ATXN1: variants seen among roughly 807,000 people sequenced by gnomAD.
ATXN1 encodes the protein ataxin-1.
In ATXN1, 8 loss-of-function variants were observed where a neutral mutation model predicts 56.4. That is an observed-to-expected ratio of 0.14 (90% CI 0.08 to 0.26). The LOEUF (loss-of-function observed/expected upper bound fraction) is 0.26. Among genes scored for constraint, ATXN1 ranks in the 10% least tolerant of loss-of-function variants. The pLI is 1.00. For missense variants in ATXN1, 987 were observed against 1,106.5 expected (o/e 0.89, Z 1.53); for synonymous variants, 514 against 494.6 (o/e 1.04, Z -0.52).
chr6:16,525,140 G>A (rs1761366083), intron 4 of ATXN1, among the ~76,000 whole-genome samples: 2 of 152,098 alleles, frequency 1.3e-5, no homozygotes, highest in African/African-American at 4.8e-5. Context: ...GAGACAAGTT[G>A]CCATATGATC....
At chr6:16,526,746 C>G (rs1454356407) in intron 4 of ATXN1, among the ~76,000 whole-genome samples, 1 of 118,268 alleles carries the variant, frequency 8.5e-6, no homozygotes, top group Non-Finnish European at 1.7e-5. Context: ...GCCTGGGCAA[C>G]AAGAGCAAAA....
chr6:16,426,080 G>A (rs1377588255), intron 6 of ATXN1, among the ~76,000 whole-genome samples: 1 of 152,180 alleles, frequency 6.6e-6, no homozygotes, highest in Non-Finnish European at 1.5e-5. Flanking sequence ...TAGAGAGGGT[G>A]CTAGGCAAGG....
chr6:16,358,205 G>A (rs984161236), intron 6 of ATXN1, among the ~76,000 whole-genome samples: 1 of 152,198 alleles, frequency 6.6e-6, no homozygotes, highest in Non-Finnish European at 1.5e-5. Flanking sequence ...CTTTTACATT[G>A]CTGGTGGGAA....
intron 2 of ATXN1, among the ~76,000 whole-genome samples, chr6:16,700,588 C>T (rs1461748091): frequency 1.3e-5 from 2 of 152,132 alleles, no homozygotes; most frequent in Non-Finnish European, 2.9e-5. Context: ...TAGTCCTGTT[C>T]CTTTTCCTGC....
At chr6:16,367,993 C>A (rs2113485935) in intron 6 of ATXN1, among the ~76,000 whole-genome samples, 1 of 151,982 alleles carries the variant, frequency 6.6e-6, no homozygotes, top group East Asian at 1.9e-4. Context: ...CATGTGAAAC[C>A]CTGTCTCTAC....
intron 4 of ATXN1, among the ~76,000 whole-genome samples, chr6:16,563,189 G>C (rs999994369): frequency 2.0e-5 from 3 of 152,318 alleles, no homozygotes; most frequent in African/African-American, 7.2e-5. Flanking sequence ...CTCTACCAAA[G>C]TGAGGGTGAG....
intron 4 of ATXN1, among the ~76,000 whole-genome samples, chr6:16,571,864 C>T (rs534650094): frequency 6.6e-6 from 1 of 152,054 alleles, no homozygotes; most frequent in African/African-American, 2.4e-5. Flanking sequence ...GGTCTCACTA[C>T]GCTGTCCAGG....
intron 6 of ATXN1, among the ~76,000 whole-genome samples, chr6:16,350,771 C>A (rs1046261571): frequency 6.6e-6 from 1 of 152,122 alleles, no homozygotes; most frequent in Non-Finnish European, 1.5e-5. Flanking sequence ...CGAACCCAAG[C>A]CTTGGTTTCC....
At chr6:16,695,487 C>T (rs1001619008) in intron 2 of ATXN1, among the ~76,000 whole-genome samples, 3 of 152,172 alleles carry the variant, frequency 2.0e-5, no homozygotes, top group African/African-American at 7.2e-5. Context: ...AGGTCATCAT[C>T]TCCCAGGTAC....
chr6:16,588,814 G>C (rs1255636113), intron 3 of ATXN1, among the ~76,000 whole-genome samples: 4 of 152,150 alleles, frequency 2.6e-5, no homozygotes, highest in Admixed American at 2.6e-4. Context: ...GAGGGAGGAA[G>C]GTAGGAAGAA....
chr6:16,557,491 T>C (rs954920473), intron 4 of ATXN1, among the ~76,000 whole-genome samples: 1 of 152,110 alleles, frequency 6.6e-6, no homozygotes, highest in Admixed American at 6.5e-5. Flanking sequence ...ACTTATATGA[T>C]GTCAAAAATA....
chr6:16,340,150 G>A (rs761362252), intron 6 of ATXN1, among the ~76,000 whole-genome samples: 2 of 152,182 alleles, frequency 1.3e-5, no homozygotes, highest in African/African-American at 2.4e-5. Context: ...TGATCTCTCG[G>A]CCTCTGGAAT....
intron 1 of ATXN1, among the ~76,000 whole-genome samples, chr6:16,759,385 G>C (rs978248844): frequency 1.3e-5 from 2 of 152,062 alleles, no homozygotes; most frequent in Non-Finnish European, 2.9e-5. Context: ...GTATCCTGTG[G>C]ATCTCGCAGG....
At chr6:16,676,225 A>C (rs1215058807) in intron 2 of ATXN1, among the ~76,000 whole-genome samples, 1 of 152,102 alleles carries the variant, frequency 6.6e-6, no homozygotes, top group Admixed American at 6.5e-5. Flanking sequence ...ACTTACATTC[A>C]CCCTTTTACA....
At chr6:16,462,897 C>T (rs2113628561) in intron 6 of ATXN1, among the ~76,000 whole-genome samples, 1 of 152,228 alleles carries the variant, frequency 6.6e-6, no homozygotes, top group African/African-American at 2.4e-5. Context: ...ATCATCACCT[C>T]CTCCCTGCTT....
chr6:16,500,738 T>TAAAAAAAAAAAA (rs1167731131), intron 5 of ATXN1, among the ~76,000 whole-genome samples: 1 of 84,614 alleles, frequency 1.2e-5, no homozygotes, highest in Non-Finnish European at 2.5e-5. Context: ...TTCATTATGA[T>TAAAAAAAAAAAA]AAAAAAAAAA....
At chr6:16,377,587 A>T (rs1470963443) in intron 6 of ATXN1, among the ~76,000 whole-genome samples, 1 of 152,090 alleles carries the variant, frequency 6.6e-6, no homozygotes, top group Non-Finnish European at 1.5e-5. Flanking sequence ...AAACCATCAC[A>T]GCTCACTGGG....
At chr6:16,634,931 T>C (rs1335764240) in intron 3 of ATXN1, among the ~76,000 whole-genome samples, 1 of 152,132 alleles carries the variant, frequency 6.6e-6, no homozygotes, top group African/African-American at 2.4e-5. Flanking sequence ...TTGTTTACAA[T>C]TGCACTGGTC....
intron 1 of ATXN1, chr6:16,754,789 G>A (rs553290339): frequency 6.6e-6 from 1 of 152,278 alleles, no homozygotes; most frequent in South Asian, 2.1e-4. Context: ...TACACTATAA[G>A]GTCTTTCAGA....
Sources: allele counts gnomAD v4.1 joint callset (sites outside exome capture counted in the v4.1 genomes callset), GRCh38; gene constraint gnomAD v4.1.1; transcripts MANE v1.5; gene names NCBI Gene and HGNC (gene_info 2026-07-23, HGNC 2026-07-21).